Variants in TENM3 observed in about 807,000 individuals in gnomAD.
The protein encoded by TENM3 is teneurin transmembrane protein 3, also known as teneurin-3.
A neutral mutation model predicts 255.1 loss-of-function variants in TENM3; 63 were observed. The observed-to-expected ratio is 0.25, with a 90% CI of 0.20 to 0.30. The LOEUF is 0.30. Among genes scored for constraint, TENM3 ranks in the 10% least tolerant of loss-of-function variants. The probability of loss-of-function intolerance (pLI) is 1.00; values close to 1 mark genes in which losing one functional copy is unlikely to be tolerated. For synonymous variants in TENM3, 1,306 were observed against 1,322.3 expected, an observed-to-expected ratio of 0.99 and a Z score of 0.27; for missense variants, 2,929 against 3,461.1, an observed-to-expected ratio of 0.85 and a Z score of 3.86.
the TENM3 span, among the ~76,000 whole-genome samples, chr4:181,761,862 C>T: frequency 6.6e-6 from 1 of 152,228 alleles, no homozygotes; most frequent in Middle Eastern, 3.4e-3. Flanking sequence ...TCTAAGTGTA[C>T]AATATGTTTG....
At chr4:182,634,420 A>T (rs1561035226) in intron 5 of TENM3, among the ~76,000 whole-genome samples, 2 of 152,238 alleles carry the variant, frequency 1.3e-5, no homozygotes, top group Non-Finnish European at 2.9e-5. Flanking sequence ...ATGTGATATG[A>T]TTTCACCTAT....
intron 3 of TENM3, among the ~76,000 whole-genome samples, chr4:182,364,117 A>G (rs532803715): frequency 1.4e-4 from 21 of 151,928 alleles, no homozygotes; most frequent in East Asian, 3.9e-4. Context: ...GCATCTAATC[A>G]TTATTTGTAA....
the TENM3 span, among the ~76,000 whole-genome samples, chr4:181,984,441 C>T: frequency 6.6e-6 from 1 of 151,708 alleles, no homozygotes; most frequent in African/African-American, 2.4e-5. Context: ...TTAAAATTTC[C>T]GGGAAGAAAG....
chr4:182,448,060 C>T (rs1371013192), intron 3 of TENM3, among the ~76,000 whole-genome samples: 13 of 152,372 alleles, frequency 8.5e-5, no homozygotes, highest in South Asian at 4.1e-4. Context: ...CAGGGCTGTC[C>T]AGCCCTGGTA....
the TENM3 span, among the ~76,000 whole-genome samples, chr4:181,463,624 T>C: frequency 4.6e-5 from 7 of 152,232 alleles, no homozygotes; most frequent in African/African-American, 1.7e-4. Context: ...GTAGCAAATT[T>C]CTTAGTGTAC....
At chr4:181,485,250 C>A in the TENM3 span, among the ~76,000 whole-genome samples, 1 of 152,016 alleles carries the variant, frequency 6.6e-6, no homozygotes, top group Admixed American at 6.6e-5. Flanking sequence ...TTTAAGAATT[C>A]AATAAAGCAT....
At chr4:181,906,992 C>A in the TENM3 span, among the ~76,000 whole-genome samples, 1 of 152,318 alleles carries the variant, frequency 6.6e-6, no homozygotes, top group East Asian at 1.9e-4. Flanking sequence ...GATTCTCCTG[C>A]CTCAGCCTCC....
chr4:182,623,747 C>T (rs536956159), intron 4 of TENM3, among the ~76,000 whole-genome samples: 1 of 152,278 alleles, frequency 6.6e-6, no homozygotes, highest in South Asian at 2.1e-4. Flanking sequence ...TGGTGTTACA[C>T]TCTTCTCCAC....
At chr4:181,631,023 C>T in the TENM3 span, among the ~76,000 whole-genome samples, 20 of 152,144 alleles carry the variant, frequency 1.3e-4, no homozygotes, top group African/African-American at 2.7e-4. Flanking sequence ...TCTCTGATTG[C>T]GGTATCAATA....
the TENM3 span, among the ~76,000 whole-genome samples, chr4:182,052,011 G>A: frequency 3.3e-5 from 5 of 152,170 alleles, no homozygotes; most frequent in East Asian, 5.8e-4. Context: ...CCTTGTCACC[G>A]CCTGGGGAGG....
At chr4:182,026,616 C>A in the TENM3 span, among the ~76,000 whole-genome samples, 4 of 152,076 alleles carry the variant, frequency 2.6e-5, no homozygotes, top group South Asian at 2.1e-4. Context: ...TGTCTTTAAT[C>A]CATTTTTATT....
intron 22 of TENM3, among the ~76,000 whole-genome samples, chr4:182,758,798 C>A (rs776009353): frequency 1.4e-3 from 215 of 152,216 alleles, no homozygotes; most frequent in Middle Eastern, 3.4e-3. Flanking sequence ...ATTGCCATCC[C>A]CCACTGAAAA....
rs1773584915 is a variant in TENM3, at chr4:182,452,932, G to T, written c.511+106003G>T. On this transcript the variant is annotated intron_variant, in intron 3 of 27. Coordinates refer to ENST00000511685, the MANE Select transcript of TENM3 (RefSeq NM_001080477.4). The stretch of plus-strand genomic sequence containing the variant: ...TGACCTGAATTGAGTTCTCTTGTTG[G>T]GTATTTGGAATACCTTGTCTTCTGA... Among the ~76,000 whole-genome samples, 4 of 151,674 alleles carry T rather than the reference G, an allele frequency of 2.6e-5. No homozygotes were observed. The South Asian group carries it at 8.3e-4, about 32-fold the overall frequency.
intron 5 of TENM3, among the ~76,000 whole-genome samples, chr4:182,636,672 G>A (rs532819126): frequency 7.3e-4 from 111 of 151,244 alleles, no homozygotes; most frequent in African/African-American, 2.5e-3. Context: ...AGCAGAGATC[G>A]CGCCACCGTA....
intron 3 of TENM3, among the ~76,000 whole-genome samples, chr4:182,400,150 A>G (rs1447725001): frequency 6.6e-6 from 1 of 152,074 alleles, no homozygotes; most frequent in Non-Finnish European, 1.5e-5. Context: ...AGTATTTGTC[A>G]TCTTGTTCCA....
the TENM3 span, among the ~76,000 whole-genome samples, chr4:181,869,933 C>A: frequency 6.6e-6 from 1 of 152,038 alleles, no homozygotes; most frequent in African/African-American, 2.4e-5. Flanking sequence ...CTCCATTGAG[C>A]CATTAATGTG....
chr4:182,197,248 G>A (rs1413331680), intron 1 of TENM3, among the ~76,000 whole-genome samples: 1 of 151,844 alleles, frequency 6.6e-6, no homozygotes, highest in Admixed American at 6.6e-5. Flanking sequence ...TAAGTGAATT[G>A]TTTGCATCTA....
intron 6 of TENM3, among the ~76,000 whole-genome samples, chr4:182,667,318 G>A (rs1754785011): frequency 6.6e-6 from 1 of 151,990 alleles, no homozygotes; most frequent in Non-Finnish European, 1.5e-5. Flanking sequence ...AGCCTCCCAA[G>A]TAGCTGGGAT....
chr4:182,532,779 C>T (rs924174307), intron 3 of TENM3, among the ~76,000 whole-genome samples: 2 of 152,108 alleles, frequency 1.3e-5, no homozygotes, highest in African/African-American at 4.8e-5. Context: ...GTTTCCCTTC[C>T]TATAATTGTC....
Sources: allele counts gnomAD v4.1 joint callset (sites outside exome capture counted in the v4.1 genomes callset), GRCh38; gene constraint gnomAD v4.1.1; transcripts MANE v1.5; gene names NCBI Gene and HGNC (gene_info 2026-07-23, HGNC 2026-07-21).